Variants in FAM118B observed in about 807,000 individuals in gnomAD.
FAM118B encodes the protein protein FAM118B.
FAM118B carries 24 observed loss-of-function variants against 38.5 expected under a neutral mutation model. The ratio of observed to expected loss-of-function variants is 0.62; its 90% CI spans 0.45 to 0.88. FAM118B has a LOEUF of 0.88. Among genes scored for constraint, FAM118B ranks in the 40% least tolerant of loss-of-function variants. The pLI is 0.00. For missense variants in FAM118B, 334 were observed against 420.0 expected (o/e 0.80, Z 1.79); for synonymous variants, 138 against 156.3 (o/e 0.88, Z 0.87).
Position 126,250,596 on chromosome 11 carries a change from C to T in FAM118B, c.430C>T (p.Gln144Ter). Residue 144 changes from glutamine (Q) to a stop codon, truncating the protein, a stop_gained, in exon 5 of 9, where the codon CAG becomes TAG. Transcript: ENST00000533050. LOFTEE classifies it high-confidence loss of function. This position sits in a 1 kb window ranked among gnomAD's most constrained non-coding sequence, Gnocchi z 5.1. ...LESKMEDSGK[Q>*]LLQSVLHLME... ...GTCAAAGATGGAAGATTCTGGAAAACAGCTACTTCAGTCAGTTCTCCACCT... is the reference window on the plus strand; with the variant it reads ...GTCAAAGATGGAAGATTCTGGAAAATAGCTACTTCAGTCAGTTCTCCACCT... 6.2e-7 allele frequency: 1 copy of T among 1,613,988 alleles called. No homozygotes were observed. Among genetic ancestry groups the T allele is most frequent in the Non-Finnish European group, 8.5e-7 (1 of 1,179,868 alleles).
intron 4 of FAM118B, among the ~76,000 whole-genome samples, chr11:126,248,474 G>A (rs1049630476): frequency 2.9e-5 from 4 of 138,940 alleles, no homozygotes; most frequent in Admixed American, 7.9e-5. Flanking sequence ...GGATTCAAGC[G>A]ATTCTCCTGC....
Position 126,262,266 on chromosome 11 carries a change from T to C in FAM118B, c.*133T>C, listed in dbSNP as rs1000850047. On this transcript the variant is annotated 3_prime_UTR_variant, in exon 9 of 9. Coordinates refer to ENST00000533050, the MANE Select transcript of FAM118B (RefSeq NM_024556.4). The stretch of plus-strand genomic sequence containing the variant: ...AATAGCCAGAGGTTGAAGGGCGGGG[T>C]AGAAGAGGGGGGAATGTTGCAGCGT... The C allele has an allele frequency of 3.4e-5, 31 of 910,076 alleles. No individual in the cohort carries two copies. The highest frequency in any genetic ancestry group is 5.1e-5 in the Non-Finnish European group (29 of 567,036). 56.4% of individuals were successfully genotyped at this position (910,076 alleles called of 1,614,324 possible). A position where few individuals can be genotyped will look rare whatever the true frequency, so the allele number is the denominator to read the frequency against.
chr11:126,260,125 C>T (rs543351634), intron 7 of FAM118B, among the ~76,000 whole-genome samples: 61 of 151,900 alleles, frequency 4.0e-4, no homozygotes, highest in African/African-American at 1.1e-3. Context: ...TTGACCTCCC[C>T]GGGCTCAGGC....
In FAM118B at chr11:126,235,050, T is replaced by C. The variant is rs776914534; in HGVS notation, c.49T>C (p.Phe17Leu). Residue 17 changes from phenylalanine to leucine, a missense_variant, in exon 3 of 9, where the codon TTC (phenylalanine) becomes CTC (leucine). Phe to Leu is a conservative substitution (Grantham distance 22). Transcript: ENST00000533050. ...QASDIDEIFG[F>L]FNDGEPPTKK... is the part of the protein sequence containing the mutation. Reference sequence around the variant, plus strand: ...CTCTGATATAGACGAGATTTTTGGATTCTTCAACGATGGCGAACCTCCCAC... The same window carrying C: ...CTCTGATATAGACGAGATTTTTGGACTCTTCAACGATGGCGAACCTCCCAC... 2 of 1,614,146 alleles carry C rather than the reference T, an allele frequency of 1.2e-6. No homozygotes were observed. The highest frequency in any genetic ancestry group is 1.7e-5 in the Admixed American group (1 of 60,014).
At chr11:126,254,034 AG>A (rs372506219) in intron 5 of FAM118B, among the ~76,000 whole-genome samples, 195 of 152,324 alleles carry the variant, frequency 1.3e-3, no homozygotes, top group African/African-American at 4.3e-3. Flanking sequence ...ACCAGTGCAA[AG>A]GGTCCCTGTT....
intron 1 of FAM118B, among the ~76,000 whole-genome samples, chr11:126,220,827 A>C (rs1190091012): frequency 6.6e-6 from 1 of 151,254 alleles, no homozygotes; most frequent in Non-Finnish European, 1.5e-5. Flanking sequence ...TTTTTTTTTA[A>C]GAGCTTTCAG....
At chr11:126,257,309 C>T (rs1950592114) in intron 7 of FAM118B, among the ~76,000 whole-genome samples, 1 of 152,070 alleles carries the variant, frequency 6.6e-6, no homozygotes, top group South Asian at 2.1e-4. Flanking sequence ...AACAATTTAT[C>T]CTAGAAGTTT....
At chr11:126,223,012 T>C (rs1000741417) in intron 1 of FAM118B, among the ~76,000 whole-genome samples, 1 of 149,268 alleles carries the variant, frequency 6.7e-6, no homozygotes, top group African/African-American at 2.5e-5. Flanking sequence ...AACATTTAAA[T>C]TGAGATGCCA....
In FAM118B at chr11:126,237,215, C is replaced by CTTTTTTTTTT. The variant is rs34631802; in HGVS notation, c.86+2142_86+2151dup. ...ACAGACGTGAGCCACCGCGCCTGGCCTTTTTTTTTTTTTTTTTTTTTTTGA... is the reference window on the plus strand; with the variant it reads ...ACAGACGTGAGCCACCGCGCCTGGCCTTTTTTTTTTTTTTTTTTTTTTTTTTTTTTTTTGA... On this transcript the variant is annotated intron_variant, in intron 3 of 8. Transcript: ENST00000533050. Among the ~76,000 whole-genome samples, 7 of 43,112 alleles carry CTTTTTTTTTT rather than the reference C, an allele frequency of 1.6e-4. 1 individual carries two copies. Among genetic ancestry groups the CTTTTTTTTTT allele is most frequent in the Non-Finnish European group, 2.4e-4 (6 of 24,896 alleles). The allele number at this position is 43,112 out of a possible 152,430, so 28.3% of individuals were successfully genotyped here.
rs71048775 is a variant in FAM118B at position 126,249,731 on chromosome 11, CAAAA to C, written c.340-755_340-752del. On this transcript the variant is annotated intron_variant, in intron 4 of 8. Transcript: ENST00000533050. ...TGGGTGACAGAATGAGACTCCGTCT[CAAAA>C]AAAAAAAAAAAAAAAAAAAGAAAAA... Among the ~76,000 whole-genome samples the C allele has an allele frequency of 9.2e-3, 725 of 78,958 alleles. 3 individuals carry two copies. The highest frequency in any genetic ancestry group is 0.036 in the Middle Eastern group (4 of 112). The allele number at this position is 78,958 out of a possible 152,430, so 51.8% of individuals were successfully genotyped here.
At chr11:126,258,642 C>G (rs762950786) in intron 7 of FAM118B, among the ~76,000 whole-genome samples, 3 of 152,288 alleles carry the variant, frequency 2.0e-5, no homozygotes, top group Admixed American at 2.0e-4. Context: ...CTGCAGTGTT[C>G]TAGACTCTCC....
Position 126,256,921 on chromosome 11 carries a change from T to C in FAM118B, c.982+69T>C. ...TCTTCAGCCTTTTGTGTATTTGTGA[T>C]GTGATGGGCAAAATAGTTGCCAAGA... On this transcript the variant is annotated intron_variant, in intron 7 of 8. Transcript: ENST00000533050. The surrounding 1 kb of genome is among the most constrained non-coding windows in gnomAD (Gnocchi z 6.6). 6.9e-7 allele frequency: 1 copy of C among 1,455,918 alleles called. No homozygotes were observed. Among genetic ancestry groups the C allele is most frequent in the Non-Finnish European group, 9.3e-7 (1 of 1,072,956 alleles). 90.2% of individuals were successfully genotyped at this position (1,455,918 alleles called of 1,614,324 possible). A position where few individuals can be genotyped will look rare whatever the true frequency, so the allele number is the denominator to read the frequency against.
intron 4 of FAM118B, among the ~76,000 whole-genome samples, chr11:126,247,947 TCTGA>T (rs1348163042): frequency 6.9e-6 from 1 of 145,696 alleles, no homozygotes; most frequent in East Asian, 2.0e-4. Flanking sequence ...ATTTTTGTAC[TCTGA>T]CTCACAGACA....
intron 5 of FAM118B, 113 bp from the exon 6 acceptor site, chr11:126,254,192 G>T: frequency 7.7e-7 from 1 of 1,292,312 alleles, no homozygotes; most frequent in East Asian, 2.4e-5. Context: ...ATATCATGAA[G>T]CTAGAGAGTT....
chr11:126,261,199 CGTA>C (rs1473750923), intron 7 of FAM118B: 8 of 521,270 alleles, frequency 1.5e-5, no homozygotes, highest in Non-Finnish European at 2.4e-5. Flanking sequence ...TACAAGCAAT[CGTA>C]GTGCACTGTG....
chr11:126,233,607 A>C, intron 2 of FAM118B: 1 of 392,242 alleles, frequency 2.5e-6, no homozygotes, highest in East Asian at 7.6e-5. Flanking sequence ...ACAGAATCAA[A>C]GATTTGACTG....
chr11:126,226,958 A>T (rs988862344), intron 1 of FAM118B, among the ~76,000 whole-genome samples: 23 of 152,162 alleles, frequency 1.5e-4, no homozygotes, highest in African/African-American at 5.3e-4. Context: ...TCCAAAAAAA[A>T]AAAAAAACAC....
intron 1 of FAM118B, among the ~76,000 whole-genome samples, chr11:126,226,964 A>C (rs1013529636): frequency 6.6e-6 from 1 of 151,750 alleles, no homozygotes; most frequent in African/African-American, 2.4e-5. Flanking sequence ...AAAAAAAAAA[A>C]ACACCTAGCT....
chr11:126,214,514 GTTTT>G (rs71048770), intron 1 of FAM118B: 1 of 41,500 alleles, frequency 2.4e-5, no homozygotes, highest in Non-Finnish European at 5.3e-5. Context: ...TTTTTTTTTT[GTTTT>G]TTTTTTTTTA....
Sources: allele counts gnomAD v4.1 joint callset (sites outside exome capture counted in the v4.1 genomes callset), GRCh38; gene constraint gnomAD v4.1.1; non-coding constraint Gnocchi (gnomAD v3.1); transcripts MANE v1.5; gene names NCBI Gene and HGNC (gene_info 2026-07-23, HGNC 2026-07-21).